Variants in NFKB2 observed in about 807,000 individuals in gnomAD.
The protein encoded by NFKB2 is nuclear factor NF-kappa-B p100 subunit.
Under a neutral mutation model 109.3 loss-of-function variants are expected in NFKB2, and 21 were observed. That is an observed-to-expected ratio of 0.19 (90% CI 0.14 to 0.28). The LOEUF is 0.28. Ranked by LOEUF, NFKB2 falls within the 10% of genes least tolerant of loss-of-function variation. The pLI is 1.00. For synonymous variants in NFKB2, 478 were observed against 489.9 expected, an observed-to-expected ratio of 0.98 and a Z score of 0.32; for missense variants, 806 against 1,185.3, an observed-to-expected ratio of 0.68 and a Z score of 4.70.
At chr10:102,394,256 C>A (rs1268527528), upstream of NFKB2, 1 of 152,224 alleles carries the variant, frequency 6.6e-6, no homozygotes, top group Non-Finnish European at 1.5e-5. Flanking sequence ...CGGAAGCTCC[C>A]GGCCCGGGGT....
At position 102,398,190 on chromosome 10, in the gene NFKB2, CA is replaced by C; in HGVS notation, c.767-20del. The C allele has an allele frequency of 6.2e-7, 1 of 1,613,778 alleles. No homozygotes were observed. Among genetic ancestry groups the C allele is most frequent in the African/African-American group, 1.3e-5 (1 of 74,978 alleles). Reference sequence around the variant, plus strand: ...CAGAGATTCCACCGGGAGCTGTGGCCAAGCTTCCGTTTTCCTTGTAGATGAC... The same window carrying C: ...CAGAGATTCCACCGGGAGCTGTGGCCAGCTTCCGTTTTCCTTGTAGATGAC... On this transcript the variant is annotated intron_variant, in intron 9 of 22. Transcript: ENST00000661543. The surrounding 1 kb of genome is among the most constrained non-coding windows in gnomAD (Gnocchi z 6.6).
At position 102,397,461 on chromosome 10, in the gene NFKB2, G is replaced by T. The variant is rs1222836279; in HGVS notation, c.502+53G>T. 1.7e-5 allele frequency: 27 copies of T among 1,602,710 alleles called. No homozygotes were observed. Among genetic ancestry groups the T allele is most frequent in the Non-Finnish European group, 2.3e-5 (27 of 1,173,712 alleles). On this transcript the variant is annotated intron_variant, in intron 7 of 22. Coordinates refer to ENST00000661543, the MANE Select transcript of NFKB2 (RefSeq NM_001322934.2). The surrounding 1 kb of genome is among the most constrained non-coding windows in gnomAD (Gnocchi z 4.7). ...TGGGTGCAGGGGGTGGGTGGGTCATGGGAGGTGCTCATGGAAGGAGCAGGG... is the reference window on the plus strand; with the variant it reads ...TGGGTGCAGGGGGTGGGTGGGTCATTGGAGGTGCTCATGGAAGGAGCAGGG...
rs2061118355 is a variant in NFKB2 at position 102,396,569 on chromosome 10, G to A, written c.144+80G>A. The A allele has an allele frequency of 6.2e-7, 1 of 1,602,612 alleles. No individual in the cohort carries two copies. Among genetic ancestry groups the A allele is most frequent in the Non-Finnish European group, 8.5e-7 (1 of 1,171,372 alleles). Reference sequence around the variant, plus strand: ...GTAGTGGTAGCTGGCTGGCCATGGAGGAGCCATTGCCGAAGGAGGCCACAG... The same window carrying A: ...GTAGTGGTAGCTGGCTGGCCATGGAAGAGCCATTGCCGAAGGAGGCCACAG... On this transcript the variant is annotated intron_variant, in intron 4 of 22. Transcript: ENST00000661543. This position sits in a 1 kb window ranked among gnomAD's most constrained non-coding sequence, Gnocchi z 5.9.
rs1010426394 is a variant in NFKB2, at chr10:102,399,737, G to A, written c.1469+19G>A. On this transcript the variant is annotated intron_variant, in intron 14 of 22. Transcript: ENST00000661543. ...GAGACACGTAGGCAACAGAGGGCCTGGCGGACGAGGCGCGGGGTGGGGGCA... is the reference window on the plus strand; with the variant it reads ...GAGACACGTAGGCAACAGAGGGCCTAGCGGACGAGGCGCGGGGTGGGGGCA... The A allele has an allele frequency of 2.6e-5, 38 of 1,448,628 alleles. No homozygotes were observed. The highest frequency in any genetic ancestry group is 5.4e-5 in the Admixed American group (2 of 37,296). 89.7% of individuals were successfully genotyped at this position (1,448,628 alleles called of 1,614,324 possible). A position where few individuals can be genotyped will look rare whatever the true frequency, so the allele number is the denominator to read the frequency against.
Position 102,399,535 on chromosome 10 carries a change from G to A in NFKB2, c.1327+38G>A, listed in dbSNP as rs1017851207. ...GGGCACGGGCGGTCGGGGCGCCGGG[G>A]CTGAGGACCTAGCCCTGACCCACGC... is the stretch of plus-strand genomic sequence containing the variant. On this transcript the variant is annotated intron_variant, in intron 13 of 22. Coordinates refer to ENST00000661543, the MANE Select transcript of NFKB2 (RefSeq NM_001322934.2). 15 of 1,520,828 alleles carry A rather than the reference G, an allele frequency of 9.9e-6. No homozygotes were observed. The East Asian group carries it at 3.8e-4, about 39-fold the overall frequency. The allele number at this position is 1,520,828 out of a possible 1,614,324, so 94.2% of individuals were successfully genotyped here.
Position 102,400,687 on chromosome 10 carries a change from C to T in NFKB2, c.1831C>T (p.Arg611Ter), listed in dbSNP as rs1414346574. 1 of 1,614,024 alleles carries T rather than the reference C, an allele frequency of 6.2e-7. No individual in the cohort carries two copies. ...LYPVHLAVRA[R>*]SPECLDLLVD... ...TCCAGTACACCTGGCAGTCCGAGCCCGAAGCCCTGAGTGCCTGGATCTGCT... is the reference window on the plus strand; with the variant it reads ...TCCAGTACACCTGGCAGTCCGAGCCTGAAGCCCTGAGTGCCTGGATCTGCT... The change falls in exon 17 of 23, where the codon CGA becomes TGA. Residue 611 changes from arginine (R) to a stop codon, truncating the protein, a stop_gained. Coordinates refer to ENST00000661543, the MANE Select transcript of NFKB2 (RefSeq NM_001322934.2). LOFTEE classifies it high-confidence loss of function. This position sits in a 1 kb window ranked among gnomAD's most constrained non-coding sequence, Gnocchi z 6.3.
Position 102,396,788 on chromosome 10 carries a change from A to T in NFKB2, c.208A>T (p.Ser70Cys), listed in dbSNP as rs2135429484. Residue 70 changes from serine to cysteine, a missense_variant, in exon 5 of 23, where the codon AGT becomes TGT. Around this residue, in one of 10 missense-constraint regions of NFKB2, gnomAD observed 24 missense variants for 105.2 expected, o/e 0.23. Coordinates refer to ENST00000661543, the MANE Select transcript of NFKB2 (RefSeq NM_001322934.2). This position sits in a 1 kb window ranked among gnomAD's most constrained non-coding sequence, Gnocchi z 5.9. ...PSHGGLPGAS[S>C]EKGRKTYPTV... ...CCATGGAGGACTGCCCGGTGCCTCC[A>T]GTGAGAAGGGCCGAAAGACCTATCC... 1 of 1,613,346 alleles carries T rather than the reference A, an allele frequency of 6.2e-7. No individual in the cohort carries two copies. The highest frequency in any genetic ancestry group is 8.5e-7 in the Non-Finnish European group (1 of 1,179,322).
At position 102,396,879 on chromosome 10, in the gene NFKB2, G is replaced by A. The variant is rs1259247900; in HGVS notation, c.244-25G>A. ...AAGTGGACAGCATGCCCAAGGCCCT[G>A]ACTGACAGTCCCTGCCTCTCCTAGA... is the stretch of plus-strand genomic sequence containing the variant. On this transcript the variant is annotated intron_variant, in intron 5 of 22. Transcript: ENST00000661543. The surrounding 1 kb of genome is among the most constrained non-coding windows in gnomAD (Gnocchi z 5.9). 1 of 1,599,938 alleles carries A rather than the reference G, an allele frequency of 6.3e-7. No individual in the cohort carries two copies.
downstream of NFKB2, chr10:102,402,526 G>A: frequency 1.8e-6 from 1 of 569,762 alleles, no homozygotes; most frequent in South Asian, 2.3e-5. Flanking sequence ...CCCAACTTAT[G>A]GCAGCCCCTG....
At position 102,400,035 on chromosome 10, in the gene NFKB2, G is replaced by T. The variant is rs750088851; in HGVS notation, c.1470-45G>T. 9.4e-6 allele frequency: 15 copies of T among 1,588,596 alleles called. No individual in the cohort carries two copies. Among genetic ancestry groups the T allele is most frequent in the South Asian group, 2.2e-5 (2 of 90,406 alleles). ...GGGCGGTGGGGCCTTGAAAGCGAAG[G>T]ATGCTCTGAGTGGCTGGGCCAGACT... On this transcript the variant is annotated intron_variant, in intron 14 of 22. Transcript: ENST00000661543. This position sits in a 1 kb window ranked among gnomAD's most constrained non-coding sequence, Gnocchi z 6.3.
In NFKB2 at chr10:102,398,310, AGGGCCC is replaced by A. The variant is rs971747375; in HGVS notation, c.852+24_852+29del. The A allele has an allele frequency of 4.1e-5, 66 of 1,614,006 alleles. No individual in the cohort carries two copies. The highest frequency in any genetic ancestry group is 5.3e-5 in the African/African-American group (4 of 74,908). Reference sequence around the variant, plus strand: ...TGTGCATAAACAGGTACCCAGGGCTAGGGCCCGGGCCCGGGCTGGGGGCTAAATTAG... The same window carrying A: ...TGTGCATAAACAGGTACCCAGGGCTAGGGCCCGGGCTGGGGGCTAAATTAG... On this transcript the variant is annotated intron_variant, in intron 10 of 22. Coordinates refer to ENST00000661543, the MANE Select transcript of NFKB2 (RefSeq NM_001322934.2). This position sits in a 1 kb window ranked among gnomAD's most constrained non-coding sequence, Gnocchi z 6.6.
Position 102,396,408 on chromosome 10 carries a change from G to T in NFKB2, c.104-41G>T, listed in dbSNP as rs2061115284. 6.2e-7 allele frequency: 1 copy of T among 1,614,038 alleles called. No homozygotes were observed. The highest frequency in any genetic ancestry group is 1.3e-5 in the African/African-American group (1 of 74,924). The stretch of plus-strand genomic sequence containing the variant: ...GCATGTGCCCTCTCTCTGGGGGAGG[G>T]GCTGGGAGATCGTGGCTCAGCAAGG... On this transcript the variant is annotated intron_variant, in intron 3 of 22. Transcript: ENST00000661543. The surrounding 1 kb of genome is among the most constrained non-coding windows in gnomAD (Gnocchi z 5.9).
chr10:102,397,851 A>G lies in NFKB2; in HGVS notation c.662-130A>G. 8.0e-7 allele frequency: 1 copy of G among 1,246,052 alleles called. No individual in the cohort carries two copies. Among genetic ancestry groups the G allele is most frequent in the Non-Finnish European group, 1.1e-6 (1 of 874,416 alleles). 77.2% of individuals were successfully genotyped at this position (1,246,052 alleles called of 1,614,324 possible). ...TTTCCCCCCCGAAGCTTCTGTCTTTAGTAAATGTGTATATTGGGTGTTTCC... is the reference window on the plus strand; with the variant it reads ...TTTCCCCCCCGAAGCTTCTGTCTTTGGTAAATGTGTATATTGGGTGTTTCC... On this transcript the variant is annotated intron_variant, in intron 8 of 22. Transcript: ENST00000661543. This position sits in a 1 kb window ranked among gnomAD's most constrained non-coding sequence, Gnocchi z 4.7.
upstream of NFKB2, among the ~76,000 whole-genome samples, chr10:102,395,164 G>A (rs2061080884): frequency 6.7e-6 from 1 of 150,266 alleles, no homozygotes; most frequent in Non-Finnish European, 1.5e-5. Context: ...GAACCGGTGC[G>A]GTGTGGGACC....
Position 102,397,509 on chromosome 10 carries a change from C to T in NFKB2, c.503-18C>T. 1 of 1,611,626 alleles carries T rather than the reference C, an allele frequency of 6.2e-7. No individual in the cohort carries two copies. Among genetic ancestry groups the T allele is most frequent in the African/African-American group, 1.3e-5 (1 of 75,000 alleles). On this transcript the variant is annotated intron_variant, in intron 7 of 22. Coordinates refer to ENST00000661543, the MANE Select transcript of NFKB2 (RefSeq NM_001322934.2). This position sits in a 1 kb window ranked among gnomAD's most constrained non-coding sequence, Gnocchi z 4.7. ...GGGAGGGAGAAGCCCAGGGGTCACA[C>T]ATGTACCTACTGCCCAGAGGCCGAG...
At position 102,398,687 on chromosome 10, in the gene NFKB2, C is replaced by T; in HGVS notation, c.992-52C>T. Reference sequence around the variant, plus strand: ...CCTGAGGGCTCTTCTGGGAAGGGCCCCTGAGGCATGACACAATAACTGGGC... The same window carrying T: ...CCTGAGGGCTCTTCTGGGAAGGGCCTCTGAGGCATGACACAATAACTGGGC... On this transcript the variant is annotated intron_variant, in intron 11 of 22. Coordinates refer to ENST00000661543, the MANE Select transcript of NFKB2 (RefSeq NM_001322934.2). This position sits in a 1 kb window ranked among gnomAD's most constrained non-coding sequence, Gnocchi z 6.6. The T allele has an allele frequency of 1.9e-6, 3 of 1,611,996 alleles. No homozygotes were observed. Among genetic ancestry groups the T allele is most frequent in the African/African-American group, 1.3e-5 (1 of 74,984 alleles).
At position 102,401,705 on chromosome 10, in the gene NFKB2, CTG is replaced by C; in HGVS notation, c.2294-39_2294-38del. 6.4e-7 allele frequency: 1 copy of C among 1,565,954 alleles called. No individual in the cohort carries two copies. The highest frequency in any genetic ancestry group is 8.7e-7 in the Non-Finnish European group (1 of 1,153,730). On this transcript the variant is annotated intron_variant, in intron 20 of 22. Coordinates refer to ENST00000661543, the MANE Select transcript of NFKB2 (RefSeq NM_001322934.2). The surrounding 1 kb of genome is among the most constrained non-coding windows in gnomAD (Gnocchi z 4.2). ...CAGGTGTCCATGTCCCCACCCAACT[CTG>C]GAGGTAAATGACATGTCTGTATGTG...
rs915522969 is a variant in NFKB2 at position 102,401,373 on chromosome 10, T to C, written c.2223+42T>C. On this transcript the variant is annotated intron_variant, in intron 19 of 22. Coordinates refer to ENST00000661543, the MANE Select transcript of NFKB2 (RefSeq NM_001322934.2). The surrounding 1 kb of genome is among the most constrained non-coding windows in gnomAD (Gnocchi z 4.2). ...ACTAGAAGTGCTCTGAGTGACGGGG[T>C]CCAGAGTATCTGGACTTAAAGACAC... The C allele has an allele frequency of 1.2e-6, 2 of 1,609,812 alleles. No individual in the cohort carries two copies. The highest frequency in any genetic ancestry group is 2.7e-5 in the African/African-American group (2 of 74,626).
In NFKB2 at chr10:102,396,847, G is replaced by T; in HGVS notation, c.243+24G>T. ...AGGTGAGCCAGGATGGTGCTGGAGGGTGGGCTAAGTGGACAGCATGCCCAA... is the reference window on the plus strand; with the variant it reads ...AGGTGAGCCAGGATGGTGCTGGAGGTTGGGCTAAGTGGACAGCATGCCCAA... On this transcript the variant is annotated intron_variant, in intron 5 of 22. Coordinates refer to ENST00000661543, the MANE Select transcript of NFKB2 (RefSeq NM_001322934.2). The surrounding 1 kb of genome is among the most constrained non-coding windows in gnomAD (Gnocchi z 5.9). The T allele has an allele frequency of 6.2e-7, 1 of 1,604,226 alleles. No individual in the cohort carries two copies. Among genetic ancestry groups the T allele is most frequent in the Non-Finnish European group, 8.5e-7 (1 of 1,171,668 alleles).
Sources: gnomAD v4.1 joint callset for allele counts (sites outside exome capture counted in the v4.1 genomes callset) on GRCh38, gnomAD v4.1.1 for gene constraint, gnomAD v4.1.1 regional missense constraint, Gnocchi (gnomAD v3.1) non-coding constraint, MANE v1.5 for transcripts, NCBI Gene and HGNC (gene_info 2026-07-23, HGNC 2026-07-21) for gene names.